The following PLEKHH1 variants were observed in gnomAD, a reference collection of about 807,000 sequenced individuals.
PLEKHH1 encodes pleckstrin homology domain-containing family H member 1.
Under a neutral mutation model 160.0 loss-of-function variants are expected in PLEKHH1, and 104 were observed. That is an observed-to-expected ratio of 0.65 (90% CI 0.55 to 0.76). PLEKHH1 has a LOEUF of 0.76. PLEKHH1 is among the 30% of genes least tolerant of loss of function. PLEKHH1 has a pLI of 0.00. For synonymous variants in PLEKHH1, 619 were observed against 678.4 expected (o/e 0.91, Z 1.36); for missense variants, 1,427 against 1,724.1 (o/e 0.83, Z 3.05).
chr14:67,550,410 A>G (rs2034350537), intron 2 of PLEKHH1, among the ~76,000 whole-genome samples: 1 of 152,232 alleles, frequency 6.6e-6, no homozygotes, highest in South Asian at 2.1e-4. Context: ...GCTGGTCTCC[A>G]AGTCCTGAGC....
chr14:67,539,319 A>C (rs2033872113), intron 1 of PLEKHH1, among the ~76,000 whole-genome samples: 1 of 152,094 alleles, frequency 6.6e-6, no homozygotes, highest in Non-Finnish European at 1.5e-5. Context: ...AGTTGGTCCT[A>C]GTCTTTTGAG....
intron 1 of PLEKHH1, among the ~76,000 whole-genome samples, chr14:67,536,186 C>T (rs770156513): frequency 3.3e-5 from 5 of 152,032 alleles, no homozygotes; most frequent in Middle Eastern, 3.4e-3. Context: ...TCTGTCTCCC[C>T]GGACATTGTG....
At chr14:67,534,499 C>A (rs1451643274) in intron 1 of PLEKHH1, among the ~76,000 whole-genome samples, 1 of 151,822 alleles carries the variant, frequency 6.6e-6, no homozygotes, top group African/African-American at 2.4e-5. Context: ...ATGATCCTGT[C>A]TGTTAAAAAA....
intron 7 of PLEKHH1, among the ~76,000 whole-genome samples, chr14:67,564,609 C>G (rs2034999731): frequency 6.6e-6 from 1 of 151,944 alleles, no homozygotes; most frequent in Non-Finnish European, 1.5e-5. Context: ...AGGCATGCAC[C>G]ACCATGCCTG....
At chr14:67,584,213 C>G (rs766012137) in intron 26 of PLEKHH1, 89 bp downstream of exon 26, 190 of 1,348,298 alleles carry the variant, frequency 1.4e-4, no homozygotes, top group Admixed American at 1.8e-4. Context: ...GCCCCTACCT[C>G]CATACCAGTA....
In PLEKHH1 at chr14:67,585,616, A is replaced by C; in HGVS notation, c.3748A>C (p.Asn1250His). ...GAACGCTCTGGTGTGGATTGCTGTG[A>C]ATGAGGATGGCGTCAGCATCCTGGA... ...KENALVWIAV[N>H]EDGVSILDHN... The change falls in exon 27 of 29, where the codon AAT becomes CAT. Residue 1250 changes from asparagine (N) to histidine (H), a missense_variant. Asn to His is a moderately conservative substitution (Grantham distance 68). Coordinates refer to ENST00000329153, the MANE Select transcript of PLEKHH1 (RefSeq NM_020715.3). The C allele has an allele frequency of 6.3e-7, 1 of 1,583,904 alleles. No homozygotes were observed.
chr14:67,587,137 C>T lies in PLEKHH1; in HGVS notation c.3997C>T (p.Pro1333Ser), dbSNP rs751134271. 4.0e-5 allele frequency: 65 copies of T among 1,613,826 alleles called. No individual in the cohort carries two copies. The highest frequency in any genetic ancestry group is 2.0e-4 in the East Asian group (9 of 44,886). Residue 1333 changes from proline (P) to serine (S), a missense_variant, in exon 29 of 29, where the codon CCC becomes TCC. Pro to Ser is a moderately conservative substitution (Grantham distance 74). Coordinates refer to ENST00000329153, the MANE Select transcript of PLEKHH1 (RefSeq NM_020715.3). Reference protein sequence around the residue: ...MNHCTTTVNPPTNPPGACQLW... With the variant: ...MNHCTTTVNPSTNPPGACQLW... ...CCATTGCACTACAACTGTGAACCCC[C>T]CCACCAACCCACCCGGAGCCTGCCA...
Position 67,562,544 on chromosome 14 carries a change from G to T in PLEKHH1, c.913G>T (p.Gly305Cys), listed in dbSNP as rs1375683288. 6.2e-7 allele frequency: 1 copy of T among 1,608,982 alleles called. No homozygotes were observed. The highest frequency in any genetic ancestry group is 1.1e-5 in the South Asian group (1 of 90,932). Residue 305 changes from glycine (G) to cysteine (C), a missense_variant, in exon 7 of 29, where the codon GGT becomes TGT. Physicochemically the swap from Gly to Cys is radical, Grantham distance 159. Transcript: ENST00000329153. ...PGTKTSAREG[G>C]PGSSLTLPKV... ...GACAAAGACCTCTGCCAGGGAAGGTGGTCCTGGCAGCAGTCTGACCCTACC... is the reference window on the plus strand; with the variant it reads ...GACAAAGACCTCTGCCAGGGAAGGTTGTCCTGGCAGCAGTCTGACCCTACC...
intron 2 of PLEKHH1, among the ~76,000 whole-genome samples, chr14:67,554,193 T>C (rs2034504793): frequency 2.0e-5 from 3 of 152,198 alleles, no homozygotes; most frequent in African/African-American, 7.2e-5. Context: ...AACTACTGCT[T>C]CCATGTAACT....
chr14:67,547,779 C>A (rs1227916586), intron 2 of PLEKHH1, among the ~76,000 whole-genome samples: 1 of 151,872 alleles, frequency 6.6e-6, no homozygotes, highest in Non-Finnish European at 1.5e-5. Flanking sequence ...CTCCCTCGTA[C>A]AAAATTGTCA....
Position 67,569,903 on chromosome 14 carries a change from C to T in PLEKHH1, c.1343-18C>T, listed in dbSNP as rs1393418854. 1.2e-5 allele frequency: 18 copies of T among 1,544,004 alleles called. No individual in the cohort carries two copies. The highest frequency in any genetic ancestry group is 1.4e-5 in the Non-Finnish European group (16 of 1,121,878). ...GGTTATGCCCTTGAGTAATCTCATTCCTCTCTTCCCTGCTCAGCTTCAAGC... is the reference window on the plus strand; with the variant it reads ...GGTTATGCCCTTGAGTAATCTCATTTCTCTCTTCCCTGCTCAGCTTCAAGC... On this transcript the variant is annotated intron_variant, in intron 8 of 28. Coordinates refer to ENST00000329153, the MANE Select transcript of PLEKHH1 (RefSeq NM_020715.3).
chr14:67,576,291 C>G lies in PLEKHH1; in HGVS notation c.2353-104C>G. Reference sequence around the variant, plus strand: ...CCCTGACTCATGCCAACCAAACTAGCTGAACCCCACATGGGCTTGGTCCCT... The same window carrying G: ...CCCTGACTCATGCCAACCAAACTAGGTGAACCCCACATGGGCTTGGTCCCT... On this transcript the variant is annotated intron_variant, in intron 16 of 28. Coordinates refer to ENST00000329153, the MANE Select transcript of PLEKHH1 (RefSeq NM_020715.3). This position sits in a 1 kb window ranked among gnomAD's most constrained non-coding sequence, Gnocchi z 4.0. 1.5e-6 allele frequency: 1 copy of G among 660,948 alleles called. No homozygotes were observed. Among genetic ancestry groups the G allele is most frequent in the East Asian group, 2.7e-5 (1 of 36,636 alleles). 40.9% of individuals were successfully genotyped at this position (660,948 alleles called of 1,614,324 possible).
chr14:67,542,562 G>T (rs35795098), intron 2 of PLEKHH1, among the ~76,000 whole-genome samples: 2,411 of 152,236 alleles, frequency 0.016, 35 homozygotes, highest in Admixed American at 0.032. Context: ...CATATGTAAA[G>T]GTCCTGACAT....
Position 67,533,297 on chromosome 14 carries a change from G to T in PLEKHH1, c.-136G>T, listed in dbSNP as rs2033532781. The T allele has an allele frequency of 6.6e-6, 1 of 151,878 alleles. No homozygotes were observed. Among genetic ancestry groups the T allele is most frequent in the Non-Finnish European group, 1.5e-5 (1 of 67,916 alleles). The allele number at this position is 151,878 out of a possible 1,614,324, so 9.4% of individuals were successfully genotyped here. ...GCCGGGGAGGGGAGAACCGGCGGCA[G>T]CCCGGGACTCCGGCGAGAGCGACGC... On this transcript the variant is annotated 5_prime_UTR_variant, in exon 1 of 29. Transcript: ENST00000329153.
intron 2 of PLEKHH1, among the ~76,000 whole-genome samples, chr14:67,548,070 C>T (rs1157829970): frequency 2.0e-5 from 3 of 152,192 alleles, no homozygotes; most frequent in Non-Finnish European, 4.4e-5. Flanking sequence ...ATTCACATCT[C>T]GCCCTGCTTT....
chr14:67,535,564 T>C (rs1389087380), intron 1 of PLEKHH1, among the ~76,000 whole-genome samples: 1 of 151,978 alleles, frequency 6.6e-6, no homozygotes. Flanking sequence ...GTATTTTTAG[T>C]AGAGACAGGG....
intron 7 of PLEKHH1, 71 bp downstream of exon 7, chr14:67,562,965 CATGCACTG>C: frequency 6.8e-7 from 1 of 1,477,250 alleles, no homozygotes; most frequent in Non-Finnish European, 9.1e-7. Context: ...TGAGCACAGC[CATGCACTG>C]AGCAGGAGAG....
At chr14:67,547,841 A>C (rs1417976215) in intron 2 of PLEKHH1, among the ~76,000 whole-genome samples, 1 of 152,236 alleles carries the variant, frequency 6.6e-6, no homozygotes, top group Non-Finnish European at 1.5e-5. Flanking sequence ...AAAAAGCAGA[A>C]ACATCAAGGC....
At position 67,578,003 on chromosome 14, in the gene PLEKHH1, T is replaced by TC. The variant is rs1566758642; in HGVS notation, c.2575-19dup. 1.2e-6 allele frequency: 2 copies of TC among 1,608,238 alleles called. No homozygotes were observed. Among genetic ancestry groups the TC allele is most frequent in the Non-Finnish European group, 1.7e-6 (2 of 1,176,756 alleles). On this transcript the variant is annotated intron_variant, in intron 18 of 28. Coordinates refer to ENST00000329153, the MANE Select transcript of PLEKHH1 (RefSeq NM_020715.3). This position sits in a 1 kb window ranked among gnomAD's most constrained non-coding sequence, Gnocchi z 5.0. Reference sequence around the variant, plus strand: ...CCAGGGGATGCTGGTCTGCCTGTGCTCACTGCTGTTCCCTCCCAGTCCTGC... The same window carrying TC: ...CCAGGGGATGCTGGTCTGCCTGTGCTCCACTGCTGTTCCCTCCCAGTCCTGC...
Sources: allele counts gnomAD v4.1 joint callset (sites outside exome capture counted in the v4.1 genomes callset), GRCh38; gene constraint gnomAD v4.1.1; non-coding constraint Gnocchi (gnomAD v3.1); transcripts MANE v1.5; gene names NCBI Gene and HGNC (gene_info 2026-07-23, HGNC 2026-07-21).